SNTG1: variants seen among roughly 807,000 people sequenced by gnomAD.
The protein encoded by SNTG1 is gamma-1-syntrophin.
Under a neutral mutation model 74.7 loss-of-function variants are expected in SNTG1, and 39 were observed. The observed-to-expected ratio is 0.52, with a 90% CI of 0.40 to 0.68. SNTG1 has a LOEUF of 0.68. Among genes scored for constraint, SNTG1 ranks in the 30% least tolerant of loss-of-function variants. SNTG1 has a pLI of 0.00. For synonymous variants in SNTG1, 254 were observed against 217.1 expected, an observed-to-expected ratio of 1.17 and a Z score of -1.49; for missense variants, 685 against 609.5, an observed-to-expected ratio of 1.12 and a Z score of -1.30.
At chr8:49,925,444 ATCTGTCTG>A (rs113098707) in intron 1 of SNTG1, among the ~76,000 whole-genome samples, 21 of 151,760 alleles carry the variant, frequency 1.4e-4, no homozygotes, top group Middle Eastern at 6.8e-3. Flanking sequence ...GTGTGTGTGT[ATCTGTCTG>A]TCTGTCTGTC....
At chr8:50,479,340 G>T (rs886953657) in intron 8 of SNTG1, among the ~76,000 whole-genome samples, 1 of 151,850 alleles carries the variant, frequency 6.6e-6, no homozygotes, top group African/African-American at 2.4e-5. Context: ...CCAAGAATTT[G>T]AATCTCATCT....
At chr8:50,544,290 T>C (rs1001210170) in intron 11 of SNTG1, among the ~76,000 whole-genome samples, 2 of 152,038 alleles carry the variant, frequency 1.3e-5, no homozygotes, top group Admixed American at 1.3e-4. Context: ...TAAGACCCCT[T>C]AATTCCTTTG....
chr8:50,428,825 G>A (rs1013183178), intron 4 of SNTG1, among the ~76,000 whole-genome samples: 28 of 152,072 alleles, frequency 1.8e-4, no homozygotes, highest in Non-Finnish European at 7.4e-5. Context: ...ATCTAGGGAG[G>A]TAAGTTCTGT....
chr8:50,123,614 T>A (rs1225308805), intron 1 of SNTG1, among the ~76,000 whole-genome samples: 3 of 142,856 alleles, frequency 2.1e-5, no homozygotes, highest in African/African-American at 7.6e-5. Context: ...TTAATTCTCA[T>A]AATTTCCAAA....
At position 50,153,510 on chromosome 8, in the gene SNTG1, G is replaced by GT. The variant is rs570920484; in HGVS notation, c.-102-19045dup. ...TTAGAATTTTCAGCTTTTCTGCTCT[G>GT]TTTTTTCCCCATCTTTGTGGTTTTA... is the stretch of plus-strand genomic sequence containing the variant. On this transcript the variant is annotated intron_variant, in intron 1 of 18. Coordinates refer to ENST00000642720, the MANE Select transcript of SNTG1 (RefSeq NM_018967.5). Among the ~76,000 whole-genome samples the GT allele has an allele frequency of 5.0e-3, 762 of 152,290 alleles. 7 individuals are homozygous for GT. Among genetic ancestry groups the GT allele is most frequent in the African/African-American group, 0.017 (705 of 41,570 alleles).
chr8:50,042,513 A>G (rs1818724377), intron 1 of SNTG1, among the ~76,000 whole-genome samples: 1 of 152,162 alleles, frequency 6.6e-6, no homozygotes, highest in African/African-American at 2.4e-5. Flanking sequence ...GTGAACCATG[A>G]TAGCATCATT....
At chr8:50,564,785 C>T (rs926234629) in intron 12 of SNTG1, among the ~76,000 whole-genome samples, 9 of 151,908 alleles carry the variant, frequency 5.9e-5, no homozygotes, top group African/African-American at 2.2e-4. Context: ...GAAAATAATG[C>T]CATACAATGA....
intron 8 of SNTG1, among the ~76,000 whole-genome samples, chr8:50,462,767 G>A (rs1029605155): frequency 7.5e-6 from 1 of 134,188 alleles, no homozygotes; most frequent in African/African-American, 2.8e-5. Context: ...TGACGTGGCA[G>A]CAACTCAGTC....
chr8:50,039,073 TG>T (rs911525522), intron 1 of SNTG1, among the ~76,000 whole-genome samples: 4 of 152,202 alleles, frequency 2.6e-5, no homozygotes, highest in Non-Finnish European at 5.9e-5. Context: ...TGGGGTCGTT[TG>T]CTTAAGATGG....
At chr8:50,394,379 G>C in intron 3 of SNTG1, 114 bp downstream of exon 3, 1 of 1,011,732 alleles carries the variant, frequency 9.9e-7, no homozygotes, top group South Asian at 1.6e-5. Flanking sequence ...GAGAGAGGAG[G>C]ATGGGCTCTT....
At chr8:50,771,805 C>T (rs975033637) in intron 18 of SNTG1, among the ~76,000 whole-genome samples, 2 of 152,030 alleles carry the variant, frequency 1.3e-5, no homozygotes, top group African/African-American at 2.4e-5. Context: ...CAGGATGCTG[C>T]TCTCCACATC....
At chr8:50,549,160 A>G (rs1368564350) in intron 11 of SNTG1, among the ~76,000 whole-genome samples, 1 of 152,192 alleles carries the variant, frequency 6.6e-6, no homozygotes, top group Non-Finnish European at 1.5e-5. Flanking sequence ...GTCACAAAAA[A>G]TAACTTGAAA....
chr8:50,523,457 T>C (rs2094196275), intron 9 of SNTG1, among the ~76,000 whole-genome samples: 1 of 152,218 alleles, frequency 6.6e-6, no homozygotes, highest in African/African-American at 2.4e-5. Context: ...CAATTCTTTC[T>C]TTTATTTGAA....
chr8:49,977,461 A>T (rs1229846556), intron 1 of SNTG1, among the ~76,000 whole-genome samples: 1 of 152,200 alleles, frequency 6.6e-6, no homozygotes, highest in Non-Finnish European at 1.5e-5. Flanking sequence ...AACCCAGCCC[A>T]GTGCTCTTAC....
chr8:49,978,925 C>A (rs1812423343), intron 1 of SNTG1, among the ~76,000 whole-genome samples: 1 of 152,136 alleles, frequency 6.6e-6, no homozygotes, highest in Non-Finnish European at 1.5e-5. Context: ...GTGTCACTAA[C>A]CACTATGTTA....
intron 18 of SNTG1, among the ~76,000 whole-genome samples, chr8:50,776,515 CTTA>C (rs2095641365): frequency 6.8e-6 from 1 of 146,668 alleles, no homozygotes; most frequent in African/African-American, 2.5e-5. Context: ...TATATTATGT[CTTA>C]TATTTCATAT....
intron 1 of SNTG1, among the ~76,000 whole-genome samples, chr8:50,074,341 G>C (rs1821634369): frequency 6.6e-6 from 1 of 152,130 alleles, no homozygotes; most frequent in Non-Finnish European, 1.5e-5. Context: ...CCTTGCTGTG[G>C]ATTAGGCATT....
At chr8:50,340,936 A>C (rs1460510840) in intron 2 of SNTG1, among the ~76,000 whole-genome samples, 1 of 151,962 alleles carries the variant, frequency 6.6e-6, no homozygotes, top group Non-Finnish European at 1.5e-5. Flanking sequence ...AAATTGCTTC[A>C]CTTGTTCACA....
chr8:50,499,282 TAAATA>T (rs1173862048), intron 8 of SNTG1, among the ~76,000 whole-genome samples: 10 of 151,900 alleles, frequency 6.6e-5, no homozygotes, highest in African/African-American at 2.4e-4. Context: ...GATTGATACA[TAAATA>T]TTTCATGGTT....
Sources: gnomAD v4.1 joint callset for allele counts (sites outside exome capture counted in the v4.1 genomes callset) on GRCh38, gnomAD v4.1.1 for gene constraint, MANE v1.5 for transcripts, NCBI Gene and HGNC (gene_info 2026-07-23, HGNC 2026-07-21) for gene names.